Variants in AUTS2 observed in about 807,000 individuals in gnomAD.
The protein encoded by AUTS2 is activator of transcription and developmental regulator AUTS2, also known as autism susceptibility gene 2 protein.
Under a neutral mutation model 112.4 loss-of-function variants are expected in AUTS2, and 17 were observed. The ratio of observed to expected loss-of-function variants is 0.15; its 90% CI spans 0.10 to 0.23. AUTS2 has a LOEUF of 0.23. AUTS2 is among the 10% of genes least tolerant of loss of function. The probability of loss-of-function intolerance (pLI) is 1.00; values close to 1 mark genes in which losing one functional copy is unlikely to be tolerated. For missense variants in AUTS2, 1,510 were observed against 1,701.6 expected, an observed-to-expected ratio of 0.89 and a Z score of 1.98; for synonymous variants, 751 against 702.7, an observed-to-expected ratio of 1.07 and a Z score of -1.09.
chr7:70,038,116 G>A (rs572682716), intron 2 of AUTS2, among the ~76,000 whole-genome samples: 1 of 152,166 alleles, frequency 6.6e-6, no homozygotes, highest in African/African-American at 2.4e-5. Context: ...GGTGAGTGTG[G>A]AAATGGACTG....
intron 6 of AUTS2, among the ~76,000 whole-genome samples, chr7:70,730,589 C>T (rs1351194352): frequency 6.6e-6 from 1 of 152,222 alleles, no homozygotes; most frequent in East Asian, 1.9e-4. Context: ...ATCAGCATTT[C>T]ATTTTTAATT....
At chr7:69,820,079 C>T (rs1207900066) in intron 1 of AUTS2, among the ~76,000 whole-genome samples, 1 of 152,146 alleles carries the variant, frequency 6.6e-6, no homozygotes, top group Non-Finnish European at 1.5e-5. Context: ...TCCCTCTGCC[C>T]TTCTTCAATC....
intron 13 of AUTS2, 181 bp from the exon 14 acceptor site, chr7:70,776,922 G>T: frequency 4.6e-6 from 3 of 646,672 alleles, no homozygotes; most frequent in South Asian, 1.7e-5. Flanking sequence ...GGAGCTGGCT[G>T]TGACTCCCTT....
rs116469579 is a variant in AUTS2 at position 70,690,391 on chromosome 7, A to T, written c.691-8178A>T. 6.1e-3 allele frequency among the ~76,000 whole-genome samples: 924 copies of T among 152,282 alleles called. 11 individuals are homozygous for T. The highest frequency in any genetic ancestry group is 0.021 in the African/African-American group (877 of 41,528). ...TTCAATCACCTAGTGATCTTTTAAAACTACATCATCCATAACGAAAGGTTC... is the reference window on the plus strand; with the variant it reads ...TTCAATCACCTAGTGATCTTTTAAATCTACATCATCCATAACGAAAGGTTC... On this transcript the variant is annotated intron_variant, in intron 5 of 18. Coordinates refer to ENST00000342771, the MANE Select transcript of AUTS2 (RefSeq NM_015570.4).
intron 1 of AUTS2, among the ~76,000 whole-genome samples, chr7:69,871,596 GTCTC>G (rs937399498): frequency 2.0e-5 from 3 of 152,112 alleles, no homozygotes; most frequent in Non-Finnish European, 2.9e-5. Flanking sequence ...TGTGAATGTG[GTCTC>G]TCTCTCAAAA....
chr7:70,441,065 G>C (rs1165552350), intron 5 of AUTS2, among the ~76,000 whole-genome samples: 1 of 152,200 alleles, frequency 6.6e-6, no homozygotes, highest in Non-Finnish European at 1.5e-5. Flanking sequence ...TGTTGCCTGT[G>C]TGTGCAGACA....
intron 1 of AUTS2, among the ~76,000 whole-genome samples, chr7:69,694,414 T>A (rs1282334865): frequency 2.0e-5 from 3 of 152,146 alleles, no homozygotes; most frequent in Non-Finnish European, 4.4e-5. Context: ...CCAGCCATGT[T>A]TGGGGAAAAA....
At chr7:69,850,102 C>CTG (rs1792396405) in intron 1 of AUTS2, among the ~76,000 whole-genome samples, 1 of 151,832 alleles carries the variant, frequency 6.6e-6, no homozygotes, top group African/African-American at 2.4e-5. Context: ...TGAGACCAGC[C>CTG]TGGCCAACAT....
rs187463779 is a variant in AUTS2, at chr7:70,381,731, C to G, written c.661-54021C>G. 6.6e-5 allele frequency among the ~76,000 whole-genome samples: 10 copies of G among 152,180 alleles called. 1 individual carries two copies. In the East Asian group the frequency reaches 1.4e-3, roughly 21 times the overall value. ...GTCAGAATTTGACTAGATGGCAGAA[C>G]GATAAGCTTAAAGCTCCTTCTCCTT... On this transcript the variant is annotated intron_variant, in intron 4 of 18. Transcript: ENST00000342771.
intron 5 of AUTS2, among the ~76,000 whole-genome samples, chr7:70,548,688 T>C (rs1051987261): frequency 6.6e-6 from 1 of 152,214 alleles, no homozygotes; most frequent in Admixed American, 6.5e-5. Flanking sequence ...ATTGCCACTT[T>C]TGTCAAAAAT....
intron 4 of AUTS2, among the ~76,000 whole-genome samples, chr7:70,301,364 T>A (rs1286517935): frequency 6.6e-6 from 1 of 152,198 alleles, no homozygotes; most frequent in Admixed American, 6.5e-5. Flanking sequence ...ACTGAGTACC[T>A]CTTTTGTTTA....
At chr7:70,644,053 G>C (rs191199221) in intron 5 of AUTS2, among the ~76,000 whole-genome samples, 1 of 152,298 alleles carries the variant, frequency 6.6e-6, no homozygotes, top group Non-Finnish European at 1.5e-5. Flanking sequence ...TGCTGGTCTA[G>C]ACGACACTTT....
chr7:69,863,064 C>T (rs1408678281), intron 1 of AUTS2, among the ~76,000 whole-genome samples: 1 of 127,860 alleles, frequency 7.8e-6, no homozygotes, highest in Non-Finnish European at 1.8e-5. Flanking sequence ...TCCAAAGATA[C>T]GAGGACTCGG....
intron 5 of AUTS2, among the ~76,000 whole-genome samples, chr7:70,555,034 G>C (rs1388308988): frequency 6.6e-6 from 1 of 152,232 alleles, no homozygotes; most frequent in Non-Finnish European, 1.5e-5. Context: ...TGGACACTGT[G>C]AATGCAGAGA....
chr7:70,570,706 C>T lies in AUTS2; in HGVS notation c.691-127863C>T, dbSNP rs149521270. Among the ~76,000 whole-genome samples, 6 of 152,282 alleles carry T rather than the reference C, an allele frequency of 3.9e-5. No individual in the cohort carries two copies. The East Asian group carries it at 9.7e-4, about 25-fold the overall frequency. On this transcript the variant is annotated intron_variant, in intron 5 of 18. Transcript: ENST00000342771. ...GTTCCCATTCTTTTTCCAGGTTATA[C>T]TCTCTATGGTCTCTATTTTGTGTCC...
intron 2 of AUTS2, among the ~76,000 whole-genome samples, chr7:69,987,025 GCCAGAC>G (rs1395693124): frequency 1.3e-5 from 2 of 152,142 alleles, no homozygotes; most frequent in Non-Finnish European, 2.9e-5. Context: ...GTGTGTCTTG[GCCAGAC>G]CCTGGAAGCA....
chr7:69,974,631 T>C lies in AUTS2; in HGVS notation c.522+75133T>C, dbSNP rs77914813. ...TGGATGTCCCAGCTCAAACAGAGAGTAAATTTCTCCTTCCTCTGCCTTTTT... is the reference window on the plus strand; with the variant it reads ...TGGATGTCCCAGCTCAAACAGAGAGCAAATTTCTCCTTCCTCTGCCTTTTT... On this transcript the variant is annotated intron_variant, in intron 2 of 18. Transcript: ENST00000342771. 0.01 allele frequency among the ~76,000 whole-genome samples: 1,559 copies of C among 151,934 alleles called. 57 individuals carry two copies. The East Asian group carries it at 0.11, about 11-fold the overall frequency.
chr7:70,449,049 A>G (rs1240261391), intron 5 of AUTS2, among the ~76,000 whole-genome samples: 2 of 152,212 alleles, frequency 1.3e-5, no homozygotes, highest in Non-Finnish European at 2.9e-5. Context: ...CAAATAACAT[A>G]CATTAAACTA....
chr7:70,127,612 G>C (rs1248777178), intron 3 of AUTS2, among the ~76,000 whole-genome samples: 3 of 152,086 alleles, frequency 2.0e-5, no homozygotes, highest in Non-Finnish European at 4.4e-5. Context: ...ATTTTGGGTT[G>C]GGTTGTTAGT....
Sources: allele counts gnomAD v4.1 joint callset (sites outside exome capture counted in the v4.1 genomes callset), GRCh38; gene constraint gnomAD v4.1.1; transcripts MANE v1.5; gene names NCBI Gene and HGNC (gene_info 2026-07-23, HGNC 2026-07-21).